ADHFE1: variants seen among roughly 807,000 people sequenced by gnomAD.
ADHFE1 encodes alcohol dehydrogenase iron containing 1.
ADHFE1 carries 37 observed loss-of-function variants against 54.8 expected under a neutral mutation model. That is an observed-to-expected ratio of 0.68 (90% CI 0.52 to 0.89). ADHFE1 has a LOEUF of 0.89. ADHFE1 is among the 40% of genes least tolerant of loss of function. The pLI, the probability that ADHFE1 is intolerant of heterozygous loss-of-function variation, is 0.00. For synonymous variants in ADHFE1, 203 were observed against 229.3 expected (o/e 0.89, Z 1.04); for missense variants, 601 against 591.2 (o/e 1.02, Z -0.17).
chr8:66,439,459 G>T lies in ADHFE1; in HGVS notation c.60-703G>T, dbSNP rs1236196129. On this transcript the variant is annotated intron_variant, in intron 1 of 13. Transcript: ENST00000396623. The surrounding 1 kb of genome is among the most constrained non-coding windows in gnomAD (Gnocchi z 4.4). ...AGGGACCACAGCCAGGGGAGGGAGG[G>T]TTTCCAAAAAGGAGGACGTGGGAAA... 1.0e-6 allele frequency: 1 copy of T among 986,116 alleles called. No homozygotes were observed. Among genetic ancestry groups the T allele is most frequent in the East Asian group, 1.1e-4 (1 of 8,820 alleles). The allele number at this position is 986,116 out of a possible 1,614,324, so 61.1% of individuals were successfully genotyped here. A position where few individuals can be genotyped will look rare whatever the true frequency, so the allele number is the denominator to read the frequency against.
intron 12 of ADHFE1, chr8:66,459,426 ATATAT>A (rs935274543): frequency 1.8e-5 from 2 of 108,552 alleles, no homozygotes; most frequent in Admixed American, 1.9e-4. Context: ...ATATATATAT[ATATAT>A]TTTTTTTTTT....
Position 66,437,365 on chromosome 8 carries a change from G to T in ADHFE1, c.60-2797G>T, listed in dbSNP as rs2555581. On this transcript the variant is annotated intron_variant, in intron 1 of 13. Coordinates refer to ENST00000396623, the MANE Select transcript of ADHFE1 (RefSeq NM_144650.3). ...ACAGATTGGGTTTTGCTGAGAGTGTGGCTAAGAGGTAATCAGTGATGTCAG... is the reference window on the plus strand; with the variant it reads ...ACAGATTGGGTTTTGCTGAGAGTGTTGCTAAGAGGTAATCAGTGATGTCAG... 4.0e-5 allele frequency among the ~76,000 whole-genome samples: 6 copies of T among 151,720 alleles called. No homozygotes were observed. In the South Asian group the frequency reaches 1.2e-3, roughly 32 times the overall value.
rs1029381541 is a variant in ADHFE1 at position 66,440,575 on chromosome 8, A to G, written c.97+376A>G. ...CTCTAAAAACTGGAGGCTAAAGAACAAGAACAAGGTGGTTCCTAGAAAGAA... is the reference window on the plus strand; with the variant it reads ...CTCTAAAAACTGGAGGCTAAAGAACGAGAACAAGGTGGTTCCTAGAAAGAA... On this transcript the variant is annotated intron_variant, in intron 2 of 13. Coordinates refer to ENST00000396623, the MANE Select transcript of ADHFE1 (RefSeq NM_144650.3). 4.6e-5 allele frequency among the ~76,000 whole-genome samples: 7 copies of G among 152,250 alleles called. No homozygotes were observed. In the East Asian group the frequency reaches 1.2e-3, roughly 25 times the overall value.
Position 66,460,355 on chromosome 8 carries a change from G to A in ADHFE1, c.1210G>A (p.Ala404Thr), listed in dbSNP as rs1357511818. ...ARIQDAGLVL[A>T]DTLRKFLFDL... ...GATCCAAGATGCAGGGCTGGTGTTGGCAGACACGCTCCGGAAATTCTTATT... is the reference window on the plus strand; with the variant it reads ...GATCCAAGATGCAGGGCTGGTGTTGACAGACACGCTCCGGAAATTCTTATT... The change falls in exon 13 of 14, where the codon GCA (alanine) becomes ACA (threonine). Residue 404 changes from alanine (A) to threonine (T), a missense_variant. Transcript: ENST00000396623. 1.2e-6 allele frequency: 2 copies of A among 1,614,166 alleles called. No individual in the cohort carries two copies.
chr8:66,460,379 T>C lies in ADHFE1; in HGVS notation c.1234T>C (p.Phe412Leu). The C allele has an allele frequency of 6.2e-7, 1 of 1,614,160 alleles. No individual in the cohort carries two copies. Among genetic ancestry groups the C allele is most frequent in the Middle Eastern group, 1.6e-4 (1 of 6,062 alleles). ...VLADTLRKFL[F>L]DLDVDDGLAA... ...GGCAGACACGCTCCGGAAATTCTTATTCGATCTGGATGTTGATGATGGCCT... is the reference window on the plus strand; with the variant it reads ...GGCAGACACGCTCCGGAAATTCTTACTCGATCTGGATGTTGATGATGGCCT... The change falls in exon 13 of 14, where the codon TTC becomes CTC. Residue 412 changes from phenylalanine to leucine, a missense_variant. Coordinates refer to ENST00000396623, the MANE Select transcript of ADHFE1 (RefSeq NM_144650.3).
Position 66,454,051 on chromosome 8 carries a change from A to C in ADHFE1, c.888-8A>C. ...TGTGTTATTGTTAGGTATTTATATC[A>C]TTCACAGGGCTGTCAGAAATCCCGA... is the stretch of plus-strand genomic sequence containing the variant. On this transcript the variant is annotated splice_region_variant and splice_polypyrimidine_tract_variant and intron_variant, in intron 9 of 13. Transcript: ENST00000396623. 6.2e-7 allele frequency: 1 copy of C among 1,613,804 alleles called. No homozygotes were observed.
intron 13 of ADHFE1, among the ~76,000 whole-genome samples, chr8:66,466,092 A>T (rs1807166155): frequency 6.9e-6 from 1 of 145,620 alleles, no homozygotes; most frequent in Admixed American, 6.9e-5. Flanking sequence ...TTTTAGAGAC[A>T]GAGTCTTGCT....
intron 6 of ADHFE1, among the ~76,000 whole-genome samples, chr8:66,446,987 G>T (rs1806067924): frequency 6.6e-6 from 1 of 152,198 alleles, no homozygotes; most frequent in African/African-American, 2.4e-5. Context: ...CCTCATGCAT[G>T]CCTGTTAATG....
chr8:66,462,970 C>T (rs1806982067), intron 13 of ADHFE1, among the ~76,000 whole-genome samples: 1 of 152,144 alleles, frequency 6.6e-6, no homozygotes, highest in East Asian at 1.9e-4. Flanking sequence ...TACAGGCACA[C>T]ACCACCATGC....
At chr8:66,450,629 A>G (rs2555568) in intron 8 of ADHFE1, among the ~76,000 whole-genome samples, 81,629 of 152,132 alleles carry the variant, frequency 0.54, 22,760 homozygotes, top group African/African-American at 0.68. Context: ...AAAGCATTAA[A>G]CTGACTTCCA....
At chr8:66,450,198 G>C (rs533221375) in intron 8 of ADHFE1, among the ~76,000 whole-genome samples, 2 of 152,306 alleles carry the variant, frequency 1.3e-5, no homozygotes, top group South Asian at 2.1e-4. Flanking sequence ...TCAGAACTTT[G>C]ATGAGCTGTT....
At chr8:66,449,031 T>C (rs2130410232) in intron 8 of ADHFE1, 61 bp downstream of exon 8, 2 of 1,423,042 alleles carry the variant, frequency 1.4e-6, no homozygotes, top group South Asian at 1.2e-5. Flanking sequence ...TAGTATTTTG[T>C]TGCTCAACGC....
chr8:66,451,384 A>G (rs1278117209), intron 8 of ADHFE1, among the ~76,000 whole-genome samples: 1 of 152,182 alleles, frequency 6.6e-6, no homozygotes, highest in Non-Finnish European at 1.5e-5. Flanking sequence ...CACATCATGA[A>G]CCAGTACTAT....
chr8:66,435,298 A>G (rs1384389370), intron 1 of ADHFE1, among the ~76,000 whole-genome samples: 1 of 152,208 alleles, frequency 6.6e-6, no homozygotes, highest in Non-Finnish European at 1.5e-5. Flanking sequence ...CCAGAGGTCA[A>G]AAGTCTGAAA....
Position 66,452,015 on chromosome 8 carries a change from C to T in ADHFE1, c.797C>T (p.Pro266Leu), listed in dbSNP as rs866386246. 8 of 1,614,234 alleles carry T rather than the reference C, an allele frequency of 5.0e-6. No individual in the cohort carries two copies. The East Asian group carries it at 1.8e-4, about 36-fold the overall frequency. ...CTGCGGAGCCCCTGCCCTTCAAATC[C>T]CATCACACGGCCTGCGTACCAGGGC... is the stretch of plus-strand genomic sequence containing the variant. ...YHLRSPCPSN[P>L]ITRPAYQGSN... Residue 266 changes from proline to leucine, a missense_variant, in exon 9 of 14, where the codon CCC (proline) becomes CTC (leucine). Physicochemically the swap from Pro to Leu is moderately conservative, Grantham distance 98. Coordinates refer to ENST00000396623, the MANE Select transcript of ADHFE1 (RefSeq NM_144650.3).
chr8:66,466,093 G>A (rs545157956), intron 13 of ADHFE1, among the ~76,000 whole-genome samples: 1 of 148,498 alleles, frequency 6.7e-6, no homozygotes, highest in Non-Finnish European at 1.5e-5. Flanking sequence ...TTTAGAGACA[G>A]AGTCTTGCTC....
rs190615880 is a variant in ADHFE1, at chr8:66,454,279, A to C, written c.986+122A>C. ...CTATAGAAGGAAGAAATTTAACTTT[A>C]TGTTCCTAAATGTATTCTTCTTTTT... On this transcript the variant is annotated intron_variant, in intron 10 of 13. Transcript: ENST00000396623. 865 of 856,918 alleles carry C rather than the reference A, an allele frequency of 1.0e-3. 10 individuals carry two copies. The African/African-American group carries it at 0.014, about 14-fold the overall frequency. The allele number at this position is 856,918 out of a possible 1,614,324, so 53.1% of individuals were successfully genotyped here.
rs1428154669 is a variant in ADHFE1 at position 66,452,020 on chromosome 8, A to G, written c.802A>G (p.Thr268Ala). Residue 268 changes from threonine (T) to alanine (A), a missense_variant, in exon 9 of 14, where the codon ACA (threonine) becomes GCA (alanine). Transcript: ENST00000396623. ...LRSPCPSNPI[T>A]RPAYQGSNPI... ...GAGCCCCTGCCCTTCAAATCCCATC[A>G]CACGGCCTGCGTACCAGGGCAGCAA... 6.2e-7 allele frequency: 1 copy of G among 1,614,154 alleles called. No individual in the cohort carries two copies. The highest frequency in any genetic ancestry group is 1.7e-5 in the Admixed American group (1 of 60,022).
chr8:66,466,101 C>G (rs1432747152), intron 13 of ADHFE1, among the ~76,000 whole-genome samples: 1 of 147,376 alleles, frequency 6.8e-6, no homozygotes, highest in Non-Finnish European at 1.5e-5. Flanking sequence ...CAGAGTCTTG[C>G]TCTGTTGGCC....
Sources: gnomAD v4.1 joint callset for allele counts (sites outside exome capture counted in the v4.1 genomes callset) on GRCh38, gnomAD v4.1.1 for gene constraint, Gnocchi (gnomAD v3.1) non-coding constraint, MANE v1.5 for transcripts, NCBI Gene and HGNC (gene_info 2026-07-23, HGNC 2026-07-21) for gene names.